The following ANKRD30B variants were observed in gnomAD, a reference collection of about 807,000 sequenced individuals.
ANKRD30B encodes ankyrin repeat domain-containing protein 30B.
In ANKRD30B, 144 loss-of-function variants were observed where a neutral mutation model predicts 202.2. The observed-to-expected ratio is 0.71, with a 90% CI of 0.62 to 0.82. The LOEUF (loss-of-function observed/expected upper bound fraction) is 0.82, where lower values mean the gene tolerates loss of function less well. ANKRD30B is among the 40% of genes least tolerant of loss of function. The probability of loss-of-function intolerance (pLI) is 0.00; values close to 1 mark genes in which losing one functional copy is unlikely to be tolerated. For missense variants in ANKRD30B, 1,487 were observed against 1,669.1 expected (o/e 0.89, Z 1.90); for synonymous variants, 508 against 561.3 (o/e 0.91, Z 1.34).
the ANKRD30B span, among the ~76,000 whole-genome samples, chr18:14,939,641 G>C: frequency 4.6e-5 from 7 of 152,262 alleles, no homozygotes; most frequent in African/African-American, 1.7e-4. Context: ...ATGTAGAACA[G>C]AGGCAGGAAG....
chr18:14,881,261 G>A, the ANKRD30B span, among the ~76,000 whole-genome samples: 2 of 152,162 alleles, frequency 1.3e-5, no homozygotes, highest in Admixed American at 1.3e-4. Context: ...TATGTCCCTT[G>A]TATGCCTATT....
chr18:14,848,684 T>C, intron 39 of ANKRD30B, 32 bp from the exon 40 acceptor site: 1 of 1,421,750 alleles, frequency 7.0e-7, no homozygotes, highest in Non-Finnish European at 9.3e-7. Context: ...AAAGTACTAA[T>C]ATATTTTATT....
In ANKRD30B at chr18:14,748,202, C is replaced by T; in HGVS notation, c.-218C>T. 2.2e-6 allele frequency: 1 copy of T among 452,934 alleles called. No individual in the cohort carries two copies. Among genetic ancestry groups the T allele is most frequent in the East Asian group, 3.4e-5 (1 of 29,748 alleles). 28.1% of individuals were successfully genotyped at this position (452,934 alleles called of 1,614,324 possible). ...GCTCTAACGTTAGAGCAGCTAACGGCTCTGCTCAGAATTTCTCCCGACAGA... is the reference window on the plus strand; with the variant it reads ...GCTCTAACGTTAGAGCAGCTAACGGTTCTGCTCAGAATTTCTCCCGACAGA... On this transcript the variant is annotated 5_prime_UTR_variant, in exon 1 of 44. Transcript: ENST00000690538.
At chr18:14,932,189 T>A in the ANKRD30B span, among the ~76,000 whole-genome samples, 1 of 151,438 alleles carries the variant, frequency 6.6e-6, no homozygotes, top group Non-Finnish European at 1.5e-5. Context: ...TTGTGCCTCA[T>A]CCCAGACCTG....
intron 30 of ANKRD30B, among the ~76,000 whole-genome samples, chr18:14,820,798 C>A (rs2144110317): frequency 6.6e-6 from 1 of 152,274 alleles, no homozygotes; most frequent in Non-Finnish European, 1.5e-5. Flanking sequence ...CATCAATGTT[C>A]ATCAAGGATA....
At chr18:14,906,041 A>ATT in the ANKRD30B span, among the ~76,000 whole-genome samples, 1 of 145,922 alleles carries the variant, frequency 6.9e-6, no homozygotes, top group East Asian at 2.0e-4. Context: ...GGGCTTAGAG[A>ATT]TTTTTTTTTT....
intron 30 of ANKRD30B, among the ~76,000 whole-genome samples, chr18:14,822,136 G>A (rs960117096): frequency 6.6e-6 from 1 of 152,044 alleles, no homozygotes; most frequent in African/African-American, 2.4e-5. Flanking sequence ...TTTTGGTGGA[G>A]GGGTCATGTC....
the ANKRD30B span, among the ~76,000 whole-genome samples, chr18:14,885,424 T>C: frequency 1.3e-5 from 2 of 152,056 alleles, no homozygotes; most frequent in African/African-American, 4.8e-5. Context: ...ATGCAACCAC[T>C]AATACATTAT....
intron 35 of ANKRD30B, 22 bp from the exon 36 acceptor site, chr18:14,837,593 G>A (rs1266633658): frequency 1.7e-5 from 26 of 1,486,356 alleles, no homozygotes; most frequent in Non-Finnish European, 2.0e-5. Flanking sequence ...TCATATACAT[G>A]TCTGTGAATA....
In ANKRD30B at chr18:14,805,608, C is replaced by A. The variant is rs990067083; in HGVS notation, c.2284+1784C>A. Among the ~76,000 whole-genome samples, 48 of 150,822 alleles carry A rather than the reference C, an allele frequency of 3.2e-4. 1 individual carries two copies. The highest frequency in any genetic ancestry group is 1.0e-3 in the African/African-American group (42 of 40,852). On this transcript the variant is annotated intron_variant, in intron 24 of 43. Coordinates refer to ENST00000690538, the MANE Select transcript of ANKRD30B (RefSeq NM_001367607.2). ...GATGTCAAATCTACATTCAGCTGAA[C>A]TCTCATCCGAACTGTGTACTTTCTC...
At chr18:14,774,582 A>G (rs1460528595) in intron 9 of ANKRD30B, among the ~76,000 whole-genome samples, 1 of 152,136 alleles carries the variant, frequency 6.6e-6, no homozygotes, top group Non-Finnish European at 1.5e-5. Flanking sequence ...ACAATTATTT[A>G]TACTTAGCTT....
intron 6 of ANKRD30B, among the ~76,000 whole-genome samples, chr18:14,761,217 C>T (rs1054035246): frequency 3.6e-4 from 55 of 152,206 alleles, no homozygotes; most frequent in African/African-American, 1.2e-3. Context: ...CTGCAGATCC[C>T]GGCTGCATGA....
chr18:14,784,457 A>AGGC lies in ANKRD30B; in HGVS notation c.1600-6_1600-5insGGC. 1 of 1,613,348 alleles carries AGGC rather than the reference A, an allele frequency of 6.2e-7. No homozygotes were observed. Among genetic ancestry groups the AGGC allele is most frequent in the Non-Finnish European group, 8.5e-7 (1 of 1,179,514 alleles). ...TATTGATCATTTTTCTTCCAAACCC[A>AGGC]TTTAGCCTGCCGTTGAAATGCAAAA... On this transcript the variant is annotated splice_polypyrimidine_tract_variant and splice_region_variant and intron_variant, in intron 13 of 43. Coordinates refer to ENST00000690538, the MANE Select transcript of ANKRD30B (RefSeq NM_001367607.2).
intron 1 of ANKRD30B, among the ~76,000 whole-genome samples, chr18:14,752,189 C>T (rs1431298975): frequency 6.6e-6 from 1 of 152,148 alleles, no homozygotes; most frequent in Non-Finnish European, 1.5e-5. Context: ...CTCCAAAATA[C>T]TTTGCATAGA....
chr18:14,784,987 G>A (rs1051079648), intron 14 of ANKRD30B, among the ~76,000 whole-genome samples: 4 of 151,988 alleles, frequency 2.6e-5, no homozygotes, highest in Non-Finnish European at 2.9e-5. Context: ...TCAGTAACTC[G>A]GATCAGTGAA....
chr18:14,918,877 A>G, the ANKRD30B span, among the ~76,000 whole-genome samples: 1 of 152,192 alleles, frequency 6.6e-6, no homozygotes, highest in South Asian at 2.1e-4. Flanking sequence ...GGACAGAGCT[A>G]TCATGTGTGG....
At chr18:14,822,796 AC>A (rs1279834359) in intron 32 of ANKRD30B, 119 bp downstream of exon 32, 1 of 1,320,708 alleles carries the variant, frequency 7.6e-7, no homozygotes, top group Non-Finnish European at 1.0e-6. Context: ...AAAATTTGAC[AC>A]AAATAATGCC....
intron 15 of ANKRD30B, among the ~76,000 whole-genome samples, chr18:14,791,169 T>A (rs1211453353): frequency 6.6e-6 from 1 of 152,140 alleles, no homozygotes; most frequent in East Asian, 1.9e-4. Context: ...ATTTTCTAGT[T>A]TATTTGTGTA....
At chr18:14,850,485 A>G in intron 41 of ANKRD30B, 103 bp downstream of exon 41, 1 of 1,192,756 alleles carries the variant, frequency 8.4e-7, no homozygotes, top group Non-Finnish European at 1.1e-6. Context: ...GTCTAAATCA[A>G]AGAAAAGTAT....
Sources: gnomAD v4.1 joint callset for allele counts (sites outside exome capture counted in the v4.1 genomes callset) on GRCh38, gnomAD v4.1.1 for gene constraint, MANE v1.5 for transcripts, NCBI Gene and HGNC (gene_info 2026-07-23, HGNC 2026-07-21) for gene names.